The following C16orf92 variants were observed in gnomAD, a reference collection of about 807,000 sequenced individuals.
C16orf92 encodes fertilization-influencing membrane protein 1.
In C16orf92, 14 loss-of-function variants were observed where a neutral mutation model predicts 13.7. The observed-to-expected ratio is 1.02, with a 90% CI of 0.67 to 1.60. The LOEUF (loss-of-function observed/expected upper bound fraction) is 1.60. Among genes scored for constraint, C16orf92 ranks in the 40% most tolerant of loss-of-function variants. The probability of loss-of-function intolerance (pLI) is 0.00; values close to 1 mark genes in which losing one functional copy is unlikely to be tolerated. For synonymous variants in C16orf92, 50 were observed against 57.4 expected (o/e 0.87, Z 0.58); for missense variants, 116 against 139.0 (o/e 0.83, Z 0.83).
Position 30,023,320 on chromosome 16 carries a change from C to A in C16orf92, c.-21C>A, listed in dbSNP as rs1776513023. ...GCTCTGGGCTGTGACATCACAGAGC[C>A]CCCACCTCATGATAGGAGTCATGAG... On this transcript the variant is annotated 5_prime_UTR_variant, in exon 1 of 4. Coordinates refer to ENST00000681219, the MANE Select transcript of C16orf92 (RefSeq NM_001109659.2). 6 of 1,586,718 alleles carry A rather than the reference C, an allele frequency of 3.8e-6. No individual in the cohort carries two copies. The highest frequency in any genetic ancestry group is 5.1e-6 in the Non-Finnish European group (6 of 1,166,368).
In C16orf92 at chr16:30,023,275, C is replaced by A. The variant is rs956621432; in HGVS notation, c.-66C>A. 10 of 1,448,936 alleles carry A rather than the reference C, an allele frequency of 6.9e-6. No homozygotes were observed. The highest frequency in any genetic ancestry group is 1.4e-5 in the African/African-American group (1 of 71,444). The allele number at this position is 1,448,936 out of a possible 1,614,324, so 89.8% of individuals were successfully genotyped here. ...AGCTCCTAGCACTTTCTCCCCTCAC[C>A]CCAAAGTGCCATCAGAACAGCTCTG... On this transcript the variant is annotated 5_prime_UTR_variant, in exon 1 of 4. Transcript: ENST00000681219.
chr16:30,024,598 G>T lies in C16orf92; in HGVS notation c.*371G>T. 1 of 300,940 alleles carries T rather than the reference G, an allele frequency of 3.3e-6. No homozygotes were observed. The highest frequency in any genetic ancestry group is 6.2e-6 in the Non-Finnish European group (1 of 162,004). 18.6% of individuals were successfully genotyped at this position (300,940 alleles called of 1,614,324 possible). A position where few individuals can be genotyped will look rare whatever the true frequency, so the allele number is the denominator to read the frequency against. On this transcript the variant is annotated 3_prime_UTR_variant, in exon 4 of 4. Coordinates refer to ENST00000681219, the MANE Select transcript of C16orf92 (RefSeq NM_001109659.2). ...GACTGGGCGCCCTCGCCTGCCCCCG[G>T]GGTTGTCAGCACTGGGAAGGCTTGG... is the stretch of plus-strand genomic sequence containing the variant.
In C16orf92 at chr16:30,023,744, G is replaced by A. The variant is rs1258276973; in HGVS notation, c.82G>A (p.Ala28Thr). 1 of 1,613,992 alleles carries A rather than the reference G, an allele frequency of 6.2e-7. No homozygotes were observed. Among genetic ancestry groups the A allele is most frequent in the Admixed American group, 1.7e-5 (1 of 60,016 alleles). Reference protein sequence around the residue: ...AIETAPRPKRATASALGTESP... With the variant: ...AIETAPRPKRTTASALGTESP... ...GGTCCTAGCACCCAGACCCAAGCGT[G>A]CCACGGCGTCAGCCCTGGGGACAGA... The change falls in exon 2 of 4, where the codon GCC (alanine) becomes ACC (threonine). Residue 28 changes from alanine to threonine, a missense_variant. Ala to Thr is a moderately conservative substitution (Grantham distance 58, BLOSUM62 0). Coordinates refer to ENST00000681219, the MANE Select transcript of C16orf92 (RefSeq NM_001109659.2).
downstream of C16orf92, chr16:30,027,022 T>C: frequency 1.4e-6 from 1 of 693,496 alleles, no homozygotes; most frequent in South Asian, 1.5e-5. Context: ...ATGCAGCTAG[T>C]AAGAGATGGT....
In C16orf92 at chr16:30,024,390, T is replaced by G; in HGVS notation, c.*163T>G. The G allele has an allele frequency of 1.0e-6, 1 of 963,640 alleles. No homozygotes were observed. Among genetic ancestry groups the G allele is most frequent in the East Asian group, 2.6e-5 (1 of 37,866 alleles). 59.7% of individuals were successfully genotyped at this position (963,640 alleles called of 1,614,324 possible). On this transcript the variant is annotated 3_prime_UTR_variant, in exon 4 of 4. Transcript: ENST00000681219. ...TGGCCCAAGCCCCCCACCTCCTCCCTTCCCAGCCCCAAAGAACTTGGTGGC... is the reference window on the plus strand; with the variant it reads ...TGGCCCAAGCCCCCCACCTCCTCCCGTCCCAGCCCCAAAGAACTTGGTGGC...
intron 1 of C16orf92, 131 bp from the exon 2 acceptor site, chr16:30,023,596 G>A (rs992008771): frequency 1.3e-6 from 2 of 1,543,430 alleles, no homozygotes; most frequent in Non-Finnish European, 1.8e-6. Flanking sequence ...TGACCCTGAG[G>A]GAAATCAAGA....
downstream of C16orf92, among the ~76,000 whole-genome samples, chr16:30,027,327 G>C (rs4238960): frequency 0.46 from 70,369 of 151,626 alleles, 16,477 homozygotes; most frequent in African/African-American, 0.51. Context: ...CCCATGCATA[G>C]CCTTATTTAC....
chr16:30,027,515 C>A (rs1003870789), downstream of C16orf92: 1 of 451,592 alleles, frequency 2.2e-6, no homozygotes, highest in Non-Finnish European at 4.5e-6. Context: ...CAGAGACAGA[C>A]CCTGTTGGCA....
rs754123627 is a variant in C16orf92, at chr16:30,023,384, C to T, written c.44C>T (p.Ala15Val). ...PWVLVWVWLA[A>V]LGAIETAPRP... is the part of the protein sequence containing the mutation. ...GTGCTGGTGTGGGTGTGGCTGGCTG[C>T]ACTAGGGGCCATAGAAACTGGTAAG... The change falls in exon 1 of 4, where the codon GCA (alanine) becomes GTA (valine). Residue 15 changes from alanine to valine, a missense_variant. Physicochemically the swap from Ala to Val is moderately conservative, Grantham distance 64 (BLOSUM62 0). Coordinates refer to ENST00000681219, the MANE Select transcript of C16orf92 (RefSeq NM_001109659.2). 1 of 1,611,236 alleles carries T rather than the reference C, an allele frequency of 6.2e-7. No homozygotes were observed. Among genetic ancestry groups the T allele is most frequent in the Non-Finnish European group, 8.5e-7 (1 of 1,179,052 alleles).
chr16:30,024,159 A>G (rs752214054), intron 3 of C16orf92, 47 bp from the exon 4 acceptor site: 1 of 1,612,600 alleles, frequency 6.2e-7, no homozygotes, highest in Non-Finnish European at 8.5e-7. Flanking sequence ...CCCCAGTTCT[A>G]GCGGGGCAGG....
downstream of C16orf92, chr16:30,025,782 T>C (rs749900654): frequency 1.9e-6 from 3 of 1,613,982 alleles, no homozygotes; most frequent in Non-Finnish European, 2.5e-6. The surrounding 1 kb of genome is among the most constrained non-coding windows in gnomAD (Gnocchi z 4.1). Flanking sequence ...GCCATCAACA[T>C]GCAACCCAGA....
downstream of C16orf92, among the ~76,000 whole-genome samples, chr16:30,027,339 C>T (rs1387770894): frequency 1.3e-5 from 2 of 152,174 alleles, no homozygotes; most frequent in Non-Finnish European, 2.9e-5. Flanking sequence ...CTTATTTACC[C>T]CTCCCAAAAC....
At position 30,023,362 on chromosome 16, in the gene C16orf92, C is replaced by G. The variant is rs759101249; in HGVS notation, c.22C>G (p.Leu8Val). ...AGTCATGAGGCTGTGGCCATGGGTG[C>G]TGGTGTGGGTGTGGCTGGCTGCACT... is the stretch of plus-strand genomic sequence containing the variant. MRLWPWV[L>V]VWVWLAALGA... The change falls in exon 1 of 4, where the codon CTG (leucine) becomes GTG (valine). Residue 8 changes from leucine (L) to valine (V), a missense_variant. Transcript: ENST00000681219. The G allele has an allele frequency of 6.2e-7, 1 of 1,609,242 alleles. No homozygotes were observed. Among genetic ancestry groups the G allele is most frequent in the South Asian group, 1.1e-5 (1 of 89,842 alleles).
In C16orf92 at chr16:30,024,551, C is replaced by G. The variant is rs540394123; in HGVS notation, c.*324C>G. The stretch of plus-strand genomic sequence containing the variant: ...AGGGACATGGCAGGGCCCGAGGGCG[C>G]GATGTGCAGCCGATGGTGAGGGACT... On this transcript the variant is annotated 3_prime_UTR_variant, in exon 4 of 4. Coordinates refer to ENST00000681219, the MANE Select transcript of C16orf92 (RefSeq NM_001109659.2). 2.5e-6 allele frequency: 1 copy of G among 399,128 alleles called. No individual in the cohort carries two copies. The highest frequency in any genetic ancestry group is 4.1e-5 in the Admixed American group (1 of 24,518). The allele number at this position is 399,128 out of a possible 1,614,324, so 24.7% of individuals were successfully genotyped here.
chr16:30,025,488 T>C, downstream of C16orf92: 1 of 1,609,990 alleles, frequency 6.2e-7, no homozygotes, highest in Non-Finnish European at 8.5e-7. This position sits in a 1 kb window ranked among gnomAD's most constrained non-coding sequence, Gnocchi z 4.1. Context: ...ACAGACACAG[T>C]GGCCACGGCA....
Position 30,023,342 on chromosome 16 carries a change from TGA to T in C16orf92, c.4_5del (p.Arg2?), listed in dbSNP as rs753372529. ...AGCCCCCACCTCATGATAGGAGTCA[TGA>T]GGCTGTGGCCATGGGTGCTGGTGTG... On this transcript the variant is annotated frameshift_variant and start_lost, in exon 1 of 4. Transcript: ENST00000681219. LOFTEE classifies it high-confidence loss of function. The T allele has an allele frequency of 1.2e-6, 2 of 1,602,272 alleles. No individual in the cohort carries two copies. Among genetic ancestry groups the T allele is most frequent in the South Asian group, 2.2e-5 (2 of 88,928 alleles).
At chr16:30,027,566 T>C, downstream of C16orf92, 1 of 456,042 alleles carries the variant, frequency 2.2e-6, no homozygotes, top group Non-Finnish European at 4.4e-6. Flanking sequence ...TGCCCCAAAG[T>C]CACCCAATCT....
downstream of C16orf92, chr16:30,024,977 C>T (rs1275008742): frequency 7.9e-6 from 4 of 505,602 alleles, no homozygotes; most frequent in Non-Finnish European, 1.4e-5. Flanking sequence ...CAAGGGTGTG[C>T]AGGAAGGGGG....
chr16:30,025,112 C>CA (rs2071047943), downstream of C16orf92: 7 of 1,104,676 alleles, frequency 6.3e-6, no homozygotes, highest in Non-Finnish European at 8.7e-6. The surrounding 1 kb of genome is among the most constrained non-coding windows in gnomAD (Gnocchi z 4.1). Flanking sequence ...CTCCCAACCC[C>CA]AGCCATCAGC....
Sources: allele counts gnomAD v4.1 joint callset (sites outside exome capture counted in the v4.1 genomes callset), GRCh38; gene constraint gnomAD v4.1.1; non-coding constraint Gnocchi (gnomAD v3.1); transcripts MANE v1.5; gene names NCBI Gene and HGNC (gene_info 2026-07-23, HGNC 2026-07-21).